NSMCE2: variants seen among roughly 807,000 people sequenced by gnomAD.
NSMCE2 encodes NSE2 SUMO ligase component of SMC5/6 complex.
A neutral mutation model predicts 23.8 loss-of-function variants in NSMCE2; 24 were observed. The observed-to-expected ratio is 1.01, with a 90% CI of 0.73 to 1.42. NSMCE2 has a LOEUF of 1.42. NSMCE2 is among the 40% of genes most tolerant of loss of function. The pLI is 0.00. For synonymous variants in NSMCE2, 92 were observed against 94.1 expected (o/e 0.98, Z 0.13); for missense variants, 284 against 296.5 (o/e 0.96, Z 0.31).
At position 125,324,869 on chromosome 8, in the gene NSMCE2, C is replaced by T. The variant is rs1472991468; in HGVS notation, c.419-32350C>T. On this transcript the variant is annotated intron_variant, in intron 5 of 7. Coordinates refer to ENST00000287437, the MANE Select transcript of NSMCE2 (RefSeq NM_173685.4). The stretch of plus-strand genomic sequence containing the variant: ...GATTACAGGCATGAGCCACCGCGCC[C>T]GGCCCATTTTGATAAAATTCTTTAT... Among the ~76,000 whole-genome samples the T allele has an allele frequency of 2.3e-4, 12 of 52,126 alleles. 2 individuals carry two copies. Among genetic ancestry groups the T allele is most frequent in the African/African-American group, 3.5e-4 (10 of 28,264 alleles). 34.2% of individuals were successfully genotyped at this position (52,126 alleles called of 152,430 possible).
At chr8:125,330,181 C>CTTTT (rs796167561) in intron 5 of NSMCE2, among the ~76,000 whole-genome samples, 1 of 136,598 alleles carries the variant, frequency 7.3e-6, no homozygotes, top group African/African-American at 2.7e-5. Context: ...TTTTTTCTTT[C>CTTTT]TTTTTTTTTT....
At chr8:125,336,525 A>T (rs73336865) in intron 5 of NSMCE2, among the ~76,000 whole-genome samples, 11,872 of 152,180 alleles carry the variant, frequency 0.078, 1,494 homozygotes, top group African/African-American at 0.27. Flanking sequence ...CTATGAGAGG[A>T]TGATGAGGAT....
intron 5 of NSMCE2, among the ~76,000 whole-genome samples, chr8:125,243,467 C>T (rs183572408): frequency 6.6e-6 from 1 of 151,402 alleles, no homozygotes; most frequent in East Asian, 1.9e-4. Flanking sequence ...CAAATGGGCT[C>T]CTTTGAAGCA....
intron 5 of NSMCE2, among the ~76,000 whole-genome samples, chr8:125,203,018 C>G (rs1375013786): frequency 6.6e-6 from 1 of 152,250 alleles, no homozygotes; most frequent in East Asian, 1.9e-4. Flanking sequence ...CATGAACCTT[C>G]CTATGCTCTG....
intron 5 of NSMCE2, among the ~76,000 whole-genome samples, chr8:125,230,659 T>C (rs374295431): frequency 6.6e-6 from 1 of 152,114 alleles, no homozygotes; most frequent in African/African-American, 2.4e-5. Context: ...CGTATGCCAA[T>C]GAGGAAAAAC....
At chr8:125,222,726 T>C (rs776829662) in intron 5 of NSMCE2, among the ~76,000 whole-genome samples, 5 of 152,218 alleles carry the variant, frequency 3.3e-5, no homozygotes, top group Non-Finnish European at 7.3e-5. Flanking sequence ...TAGTATTCCA[T>C]TGTATATGTA....
intron 4 of NSMCE2, among the ~76,000 whole-genome samples, chr8:125,180,479 A>G (rs190818889): frequency 2.6e-5 from 4 of 152,356 alleles, no homozygotes; most frequent in East Asian, 3.9e-4. Flanking sequence ...GCAATTAAGC[A>G]AAAGAAGATT....
intron 5 of NSMCE2, among the ~76,000 whole-genome samples, chr8:125,238,919 A>C (rs1255229869): frequency 6.6e-6 from 1 of 152,194 alleles, no homozygotes; most frequent in African/African-American, 2.4e-5. Context: ...ATTCCTGTAT[A>C]TTGTTACAGA....
intron 3 of NSMCE2, among the ~76,000 whole-genome samples, chr8:125,140,574 C>T (rs988267359): frequency 1.3e-4 from 20 of 151,754 alleles, no homozygotes; most frequent in African/African-American, 4.6e-4. Flanking sequence ...GAGGTTCAAT[C>T]GCATGAAGAG....
At chr8:125,213,485 G>GTCTCC (rs141971083) in intron 5 of NSMCE2, among the ~76,000 whole-genome samples, 3,172 of 74,772 alleles carry the variant, frequency 0.042, 70 homozygotes, top group Non-Finnish European at 0.053. Context: ...AGGCACCCAT[G>GTCTCC]TCTCCTCTCC....
At chr8:125,280,777 G>A (rs561558382) in intron 5 of NSMCE2, among the ~76,000 whole-genome samples, 2 of 152,154 alleles carry the variant, frequency 1.3e-5, no homozygotes, top group Non-Finnish European at 2.9e-5. Context: ...AGTCAATAAC[G>A]ATTCACTGAC....
chr8:125,297,232 GC>G (rs147312857), intron 5 of NSMCE2, among the ~76,000 whole-genome samples: 4,766 of 152,162 alleles, frequency 0.031, 216 homozygotes, highest in African/African-American at 0.11. Context: ...CTATAAAAAT[GC>G]CTGGCCAAAA....
At chr8:125,178,583 T>C (rs1254074500) in intron 4 of NSMCE2, among the ~76,000 whole-genome samples, 1 of 152,100 alleles carries the variant, frequency 6.6e-6, no homozygotes, top group Non-Finnish European at 1.5e-5. Flanking sequence ...AAGAAGTCAT[T>C]AGGTTGGCTG....
At chr8:125,145,078 A>G (rs1189433680) in intron 3 of NSMCE2, among the ~76,000 whole-genome samples, 1 of 152,200 alleles carries the variant, frequency 6.6e-6, no homozygotes, top group Non-Finnish European at 1.5e-5. Flanking sequence ...ACTTCACTCT[A>G]AAAAGAAACC....
intron 3 of NSMCE2, among the ~76,000 whole-genome samples, chr8:125,146,766 A>G (rs4871573): frequency 0.37 from 55,742 of 151,922 alleles, 13,764 homozygotes; most frequent in African/African-American, 0.7. Context: ...AGAGTGGGGA[A>G]GGATAGCCTT....
chr8:125,170,376 C>A (rs1395670266), intron 4 of NSMCE2, among the ~76,000 whole-genome samples: 1 of 37,864 alleles, frequency 2.6e-5, no homozygotes, highest in Non-Finnish European at 5.2e-5. Flanking sequence ...CTCTTTATTT[C>A]TTTTTTTTTT....
At chr8:125,200,305 C>T (rs1823807422) in intron 5 of NSMCE2, among the ~76,000 whole-genome samples, 2 of 152,182 alleles carry the variant, frequency 1.3e-5, no homozygotes, top group South Asian at 4.1e-4. Context: ...TTTGCGGTGG[C>T]TGGTACCAGT....
intron 1 of NSMCE2, among the ~76,000 whole-genome samples, chr8:125,094,837 CTCT>C (rs1319730942): frequency 6.6e-6 from 1 of 152,124 alleles, no homozygotes; most frequent in Non-Finnish European, 1.5e-5. Context: ...TCCCTGGCGT[CTCT>C]TCCTTTTCTT....
At chr8:125,114,110 C>CT (rs1455454209) in intron 3 of NSMCE2, among the ~76,000 whole-genome samples, 1 of 152,150 alleles carries the variant, frequency 6.6e-6, no homozygotes, top group Non-Finnish European at 1.5e-5. Flanking sequence ...TGTCTAGGCC[C>CT]TTGAAATTTA....
Sources: allele counts gnomAD v4.1 joint callset (sites outside exome capture counted in the v4.1 genomes callset), GRCh38; gene constraint gnomAD v4.1.1; transcripts MANE v1.5; gene names NCBI Gene and HGNC (gene_info 2026-07-23, HGNC 2026-07-21).